LRP1B: variants seen among roughly 807,000 people sequenced by gnomAD.
The protein encoded by LRP1B is low-density lipoprotein receptor-related protein 1B.
A neutral mutation model predicts 556.6 loss-of-function variants in LRP1B; 217 were observed. The observed-to-expected ratio is 0.39, with a 90% CI of 0.35 to 0.44. LRP1B has a LOEUF of 0.44. Ranked by LOEUF, LRP1B falls within the 20% of genes least tolerant of loss-of-function variation. LRP1B has a pLI of 1.00. For missense variants in LRP1B, 5,053 were observed against 5,620.8 expected (o/e 0.90, Z 3.23); for synonymous variants, 2,047 against 1,865.8 (o/e 1.10, Z -2.50).
intron 66 of LRP1B, among the ~76,000 whole-genome samples, chr2:140,394,930 CAT>C (rs1684185633): frequency 2.0e-5 from 3 of 152,066 alleles, no homozygotes; most frequent in Admixed American, 1.3e-4. Flanking sequence ...AGAGTAAAGA[CAT>C]ACTTATAAAT....
At chr2:141,779,419 C>CTTTT (rs34529015) in intron 2 of LRP1B, among the ~76,000 whole-genome samples, 1 of 130,818 alleles carries the variant, frequency 7.6e-6, no homozygotes, top group Non-Finnish European at 1.6e-5. Flanking sequence ...AAAATAAAAA[C>CTTTT]TTTTTTTTTT....
chr2:141,629,298 A>C (rs1688820608), intron 2 of LRP1B, among the ~76,000 whole-genome samples: 1 of 152,220 alleles, frequency 6.6e-6, no homozygotes, highest in Admixed American at 6.5e-5. Context: ...AAATACACTA[A>C]GCTACTTGAA....
intron 1 of LRP1B, among the ~76,000 whole-genome samples, chr2:142,076,599 A>C (rs1705510967): frequency 6.6e-6 from 1 of 152,112 alleles, no homozygotes; most frequent in African/African-American, 2.4e-5. Flanking sequence ...GATAAGAAGG[A>C]GTCCTGGAAA....
At chr2:141,818,345 T>C (rs1204838302) in intron 1 of LRP1B, among the ~76,000 whole-genome samples, 3 of 152,104 alleles carry the variant, frequency 2.0e-5, no homozygotes, top group Admixed American at 2.0e-4. Context: ...TTCACCTGCC[T>C]CAGAAAAATG....
intron 7 of LRP1B, among the ~76,000 whole-genome samples, chr2:141,108,330 GTTTCT>G (rs1291470308): frequency 7.5e-5 from 5 of 66,598 alleles, no homozygotes; most frequent in African/African-American, 2.9e-4. Context: ...TTTATAATCT[GTTTCT>G]TTTTTTTTTT....
chr2:142,094,438 A>G (rs1706283922), intron 1 of LRP1B, among the ~76,000 whole-genome samples: 1 of 152,078 alleles, frequency 6.6e-6, no homozygotes, highest in African/African-American at 2.4e-5. Context: ...GGCCTCATGC[A>G]GTTGTAAAAT....
chr2:141,281,202 T>C (rs1024059476), intron 3 of LRP1B, among the ~76,000 whole-genome samples: 4 of 152,060 alleles, frequency 2.6e-5, no homozygotes, highest in South Asian at 2.1e-4. Flanking sequence ...GGTACCTTGA[T>C]TGATAGAATT....
intron 3 of LRP1B, among the ~76,000 whole-genome samples, chr2:141,459,630 T>C (rs897136789): frequency 6.6e-6 from 1 of 152,102 alleles, no homozygotes. Flanking sequence ...GTCTTTTCCA[T>C]GCTATTCTGG....
At chr2:140,914,126 T>C (rs1694505513) in intron 21 of LRP1B, among the ~76,000 whole-genome samples, 1 of 152,108 alleles carries the variant, frequency 6.6e-6, no homozygotes, top group Non-Finnish European at 1.5e-5. Context: ...AAGATTTTTT[T>C]AAAGTATGTG....
At chr2:141,461,040 A>T (rs1681847267) in intron 3 of LRP1B, among the ~76,000 whole-genome samples, 1 of 151,116 alleles carries the variant, frequency 6.6e-6, no homozygotes, top group Non-Finnish European at 1.5e-5. Context: ...GACTGGAAAA[A>T]AAAAAATGAG....
At chr2:141,321,411 A>G (rs1687236806) in intron 3 of LRP1B, among the ~76,000 whole-genome samples, 1 of 152,134 alleles carries the variant, frequency 6.6e-6, no homozygotes, top group East Asian at 1.9e-4. Flanking sequence ...TACTGACTTA[A>G]TGGTCATACT....
rs555298120 is a variant in LRP1B, at chr2:140,649,607, G to C, written c.6800-47968C>G. 5.3e-5 allele frequency among the ~76,000 whole-genome samples: 8 copies of C among 152,244 alleles called. No homozygotes were observed. In the South Asian group the frequency reaches 1.7e-3, roughly 32 times the overall value. On this transcript the variant is annotated intron_variant, in intron 41 of 90. Coordinates refer to ENST00000389484, the MANE Select transcript of LRP1B (RefSeq NM_018557.3). Reference sequence around the variant, plus strand: ...AGACAAGTATCCACTGCTAAAGTTTGCTTCTTTGATTTTCCTCTTTGTTAT... The same window carrying C: ...AGACAAGTATCCACTGCTAAAGTTTCCTTCTTTGATTTTCCTCTTTGTTAT...
chr2:141,607,109 C>A (rs559956035), intron 2 of LRP1B, among the ~76,000 whole-genome samples: 6 of 151,482 alleles, frequency 4.0e-5, no homozygotes, highest in African/African-American at 1.2e-4. Flanking sequence ...TTGATTCATA[C>A]CCTTACAAAA....
At chr2:140,302,476 C>G (rs1683877309) in intron 83 of LRP1B, among the ~76,000 whole-genome samples, 1 of 152,162 alleles carries the variant, frequency 6.6e-6, no homozygotes, top group African/African-American at 2.4e-5. Context: ...TGTTAGTTAG[C>G]AAAGTGCTTT....
At chr2:141,646,207 T>C (rs1689557951) in intron 2 of LRP1B, among the ~76,000 whole-genome samples, 1 of 152,208 alleles carries the variant, frequency 6.6e-6, no homozygotes, top group African/African-American at 2.4e-5. Context: ...ATTCATTTTG[T>C]CAAATTTAAA....
intron 11 of LRP1B, among the ~76,000 whole-genome samples, chr2:141,045,850 G>C (rs1194287098): frequency 2.6e-5 from 4 of 152,066 alleles, no homozygotes; most frequent in Non-Finnish European, 4.4e-5. Context: ...AAAGATTCCA[G>C]GTGGGTGAAA....
chr2:140,922,920 A>C, intron 21 of LRP1B, 45 bp downstream of exon 21: 1 of 1,547,978 alleles, frequency 6.5e-7, no homozygotes, highest in Non-Finnish European at 8.8e-7. Context: ...AAAGGACTCC[A>C]CACTCAGGGA....
chr2:141,942,680 T>C (rs1261319483), intron 1 of LRP1B, among the ~76,000 whole-genome samples: 1 of 152,214 alleles, frequency 6.6e-6, no homozygotes, highest in African/African-American at 2.4e-5. Flanking sequence ...CAATAACTTC[T>C]GAAATTATTT....
intron 10 of LRP1B, among the ~76,000 whole-genome samples, chr2:141,049,638 T>C (rs1698978679): frequency 6.6e-6 from 1 of 152,136 alleles, no homozygotes; most frequent in Non-Finnish European, 1.5e-5. Context: ...CTTCAGAAAA[T>C]TTAAGACACA....
Sources: gnomAD v4.1 joint callset for allele counts (sites outside exome capture counted in the v4.1 genomes callset) on GRCh38, gnomAD v4.1.1 for gene constraint, MANE v1.5 for transcripts, NCBI Gene and HGNC (gene_info 2026-07-23, HGNC 2026-07-21) for gene names.